The following PCDHGA12 variants were observed in gnomAD, a reference collection of about 807,000 sequenced individuals.
PCDHGA12 encodes the protein protocadherin gamma-A12.
Under a neutral mutation model 61.1 loss-of-function variants are expected in PCDHGA12, and 43 were observed. The observed-to-expected ratio is 0.70, with a 90% CI of 0.55 to 0.91. The LOEUF is 0.91. Among genes scored for constraint, PCDHGA12 ranks in the 40% least tolerant of loss-of-function variants. The pLI is 0.00. For missense variants in PCDHGA12, 1,236 were observed against 1,227.7 expected (o/e 1.01, Z -0.10); for synonymous variants, 520 against 542.9 (o/e 0.96, Z 0.59).
At chr5:141,434,978 C>G (rs1287204052) in intron 1 of PCDHGA12, among the ~76,000 whole-genome samples, 2 of 151,700 alleles carry the variant, frequency 1.3e-5, no homozygotes, top group Non-Finnish European at 2.9e-5. Flanking sequence ...TTTGTTAATA[C>G]TCTATATCAT....
Position 141,489,267 on chromosome 5 carries a change from C to G in PCDHGA12, c.2425-5540C>G. 6.4e-7 allele frequency: 1 copy of G among 1,553,302 alleles called. No homozygotes were observed. Among genetic ancestry groups the G allele is most frequent in the Non-Finnish European group, 8.7e-7 (1 of 1,149,864 alleles). The stretch of plus-strand genomic sequence containing the variant: ...TGGGGCCCAAGACACTCCCACAGCT[C>G]GCTGGGAAATGGCAAGTGCTGTGCA... On this transcript the variant is annotated intron_variant, in intron 1 of 3. Coordinates refer to ENST00000252085, the MANE Select transcript of PCDHGA12 (RefSeq NM_003735.3). The surrounding 1 kb of genome is among the most constrained non-coding windows in gnomAD (Gnocchi z 4.5).
At chr5:141,468,746 G>A (rs1298497433) in intron 1 of PCDHGA12, among the ~76,000 whole-genome samples, 1 of 151,850 alleles carries the variant, frequency 6.6e-6, no homozygotes, top group Non-Finnish European at 1.5e-5. Flanking sequence ...GGTGCCTGTA[G>A]TCCCAGCTAC....
intron 1 of PCDHGA12, among the ~76,000 whole-genome samples, chr5:141,483,203 A>T (rs940487337): frequency 1.3e-5 from 2 of 152,204 alleles, no homozygotes; most frequent in African/African-American, 2.4e-5. Flanking sequence ...ATTTTATTCC[A>T]TATAGATGAC....
In PCDHGA12 at chr5:141,433,004, T is replaced by G. The variant is rs368646186; in HGVS notation, c.2245T>G (p.Phe749Val). 48 of 1,614,028 alleles carry G rather than the reference T, an allele frequency of 3.0e-5. No homozygotes were observed. The highest frequency in any genetic ancestry group is 3.4e-5 in the Non-Finnish European group (40 of 1,180,028). The change falls in exon 1 of 4, where the codon TTC becomes GTC. Residue 749 changes from phenylalanine (F) to valine (V), a missense_variant. Coordinates refer to ENST00000252085, the MANE Select transcript of PCDHGA12 (RefSeq NM_003735.3). ...TGTGGGCGTGGACGGGGTGCAGGCT[T>G]TCCTGCAGACCTATTCCCACGAGGT... Reference protein sequence around the residue: ...HFVGVDGVQAFLQTYSHEVSL... With the variant: ...HFVGVDGVQAVLQTYSHEVSL...
At chr5:141,470,649 C>T (rs1486535307) in intron 1 of PCDHGA12, among the ~76,000 whole-genome samples, 1 of 152,160 alleles carries the variant, frequency 6.6e-6, no homozygotes, top group African/African-American at 2.4e-5. Flanking sequence ...TTGAAGGCCC[C>T]TACCCTTTGG....
Position 141,478,507 on chromosome 5 carries a change from T to C in PCDHGA12, c.2425-16300T>C, listed in dbSNP as rs781120326. The C allele has an allele frequency of 4.3e-6, 7 of 1,612,048 alleles. No homozygotes were observed. In the East Asian group the frequency reaches 1.3e-4, roughly 31 times the overall value. On this transcript the variant is annotated intron_variant, in intron 1 of 3. Transcript: ENST00000252085. The stretch of plus-strand genomic sequence containing the variant: ...TGCGGAGCTGTGATCCGGTGTTCTA[T>C]AGGCAGGTGTTGGGTGCAGAGAGCG...
intron 1 of PCDHGA12, among the ~76,000 whole-genome samples, chr5:141,443,514 C>T (rs1386662758): frequency 6.6e-6 from 1 of 152,056 alleles, no homozygotes; most frequent in Non-Finnish European, 1.5e-5. Flanking sequence ...AAGAGCTTCT[C>T]TCCTTATGAC....
chr5:141,432,343 G>C lies in PCDHGA12; in HGVS notation c.1584G>C (p.Leu528Phe), dbSNP rs1174646711. 3 of 1,614,130 alleles carry C rather than the reference G, an allele frequency of 1.9e-6. No homozygotes were observed. Residue 528 changes from leucine to phenylalanine, a missense_variant, in exon 1 of 4, where the codon TTG becomes TTC. Coordinates refer to ENST00000252085, the MANE Select transcript of PCDHGA12 (RefSeq NM_003735.3). This position sits in a 1 kb window ranked among gnomAD's most constrained non-coding sequence, Gnocchi z 6.0. ...TCGACTACGAGCAGTTCCGAGACTTGCAAGTGAAAGTGATGGCGCGGGACA... is the reference window on the plus strand; with the variant it reads ...TCGACTACGAGCAGTTCCGAGACTTCCAAGTGAAAGTGATGGCGCGGGACA... ...SSFDYEQFRD[L>F]QVKVMARDNG...
intron 1 of PCDHGA12, among the ~76,000 whole-genome samples, chr5:141,450,022 T>TTTTC: frequency 6.7e-6 from 1 of 149,424 alleles, no homozygotes; most frequent in Admixed American, 6.7e-5. Context: ...TTTTTTTTTT[T>TTTTC]TTGAGACAGG....
intron 2 of PCDHGA12, among the ~76,000 whole-genome samples, chr5:141,495,507 C>T (rs1380258502): frequency 6.6e-6 from 1 of 152,188 alleles, no homozygotes; most frequent in African/African-American, 2.4e-5. Context: ...TCCGTCTTTG[C>T]CACTTTCTCT....
rs774630488 is a variant in PCDHGA12 at position 141,490,640 on chromosome 5, G to A, written c.2425-4167G>A. On this transcript the variant is annotated intron_variant, in intron 1 of 3. Transcript: ENST00000252085. The surrounding 1 kb of genome is among the most constrained non-coding windows in gnomAD (Gnocchi z 5.4). Reference sequence around the variant, plus strand: ...TACACTGCTTACATCCTAGAAAACCGGCCTCCGGGCTCCCTTCTTTGCACT... The same window carrying A: ...TACACTGCTTACATCCTAGAAAACCAGCCTCCGGGCTCCCTTCTTTGCACT... 2.6e-5 allele frequency: 42 copies of A among 1,614,004 alleles called. No individual in the cohort carries two copies. The highest frequency in any genetic ancestry group is 1.6e-4 in the Middle Eastern group (1 of 6,084).
At position 141,430,635 on chromosome 5, in the gene PCDHGA12, T is replaced by A; in HGVS notation, c.-125T>A. ...CAGATAGCTAGGAATGAACCATCCC[T>A]GGGAGTATGTGGAAACAACGGAGGA... On this transcript the variant is annotated 5_prime_UTR_variant, in exon 1 of 4. Coordinates refer to ENST00000252085, the MANE Select transcript of PCDHGA12 (RefSeq NM_003735.3). 3 of 881,948 alleles carry A rather than the reference T, an allele frequency of 3.4e-6. No individual in the cohort carries two copies. Among genetic ancestry groups the A allele is most frequent in the Non-Finnish European group, 5.0e-6 (3 of 603,438 alleles). The allele number at this position is 881,948 out of a possible 1,614,324, so 54.6% of individuals were successfully genotyped here. A position where few individuals can be genotyped will look rare whatever the true frequency, so the allele number is the denominator to read the frequency against.
intron 1 of PCDHGA12, among the ~76,000 whole-genome samples, chr5:141,459,804 C>G (rs2098975712): frequency 6.6e-6 from 1 of 152,192 alleles, no homozygotes; most frequent in Non-Finnish European, 1.5e-5. Context: ...TCCCTGTTGA[C>G]TAGAGACACT....
chr5:141,487,622 C>T lies in PCDHGA12; in HGVS notation c.2425-7185C>T. Reference sequence around the variant, plus strand: ...TCTTCTCTATGGGCTAGAGGTGAGACCTTTGCAGGCTCAACAAATGCTTGA... The same window carrying T: ...TCTTCTCTATGGGCTAGAGGTGAGATCTTTGCAGGCTCAACAAATGCTTGA... On this transcript the variant is annotated intron_variant, in intron 1 of 3. Coordinates refer to ENST00000252085, the MANE Select transcript of PCDHGA12 (RefSeq NM_003735.3). This position sits in a 1 kb window ranked among gnomAD's most constrained non-coding sequence, Gnocchi z 5.0. 1.2e-6 allele frequency: 2 copies of T among 1,614,174 alleles called. No homozygotes were observed. Among genetic ancestry groups the T allele is most frequent in the South Asian group, 1.1e-5 (1 of 91,084 alleles).
chr5:141,491,932 G>A lies in PCDHGA12; in HGVS notation c.2425-2875G>A. Reference sequence around the variant, plus strand: ...GGCGACTGTGGGCGAGGGGAGGTGGGACCGACCCCCACCCCTACACTCAAA... The same window carrying A: ...GGCGACTGTGGGCGAGGGGAGGTGGAACCGACCCCCACCCCTACACTCAAA... On this transcript the variant is annotated intron_variant, in intron 1 of 3. Transcript: ENST00000252085. This position sits in a 1 kb window ranked among gnomAD's most constrained non-coding sequence, Gnocchi z 6.9. 1 of 1,259,014 alleles carries A rather than the reference G, an allele frequency of 7.9e-7. No homozygotes were observed. The highest frequency in any genetic ancestry group is 1.1e-6 in the Non-Finnish European group (1 of 926,048). The allele number at this position is 1,259,014 out of a possible 1,614,324, so 78.0% of individuals were successfully genotyped here. A position where few individuals can be genotyped will look rare whatever the true frequency, so the allele number is the denominator to read the frequency against.
chr5:141,438,308 C>G (rs2097949954), intron 1 of PCDHGA12, among the ~76,000 whole-genome samples: 1 of 151,766 alleles, frequency 6.6e-6, no homozygotes, highest in Non-Finnish European at 1.5e-5. Context: ...GAAGTTGGTA[C>G]CACCATAATT....
At position 141,511,516 on chromosome 5, in the gene PCDHGA12, T is replaced by A. The variant is rs2099883825; in HGVS notation, c.*343T>A. ...CTTCCAAATCAATCAGGCCCATCCA[T>A]CCCATGCCTCCCTCCTCCCCACCCC... is the stretch of plus-strand genomic sequence containing the variant. On this transcript the variant is annotated 3_prime_UTR_variant, in exon 4 of 4. Transcript: ENST00000252085. 1 of 365,020 alleles carries A rather than the reference T, an allele frequency of 2.7e-6. No individual in the cohort carries two copies. Among genetic ancestry groups the A allele is most frequent in the Admixed American group, 4.0e-5 (1 of 25,162 alleles). The allele number at this position is 365,020 out of a possible 1,614,324, so 22.6% of individuals were successfully genotyped here.
chr5:141,433,354 T>TCTGC, intron 1 of PCDHGA12, 171 bp downstream of exon 1: 2 of 602,322 alleles, frequency 3.3e-6, no homozygotes, highest in South Asian at 2.1e-5. Context: ...CCACCTACTG[T>TCTGC]CTGCCTATCT....
At chr5:141,434,883 C>T (rs1490696834) in intron 1 of PCDHGA12, among the ~76,000 whole-genome samples, 1 of 151,644 alleles carries the variant, frequency 6.6e-6, no homozygotes, top group Non-Finnish European at 1.5e-5. Context: ...ATACCAACAA[C>T]AATCCAGTCC....
Sources: gnomAD v4.1 joint callset for allele counts (sites outside exome capture counted in the v4.1 genomes callset) on GRCh38, gnomAD v4.1.1 for gene constraint, Gnocchi (gnomAD v3.1) non-coding constraint, MANE v1.5 for transcripts, NCBI Gene and HGNC (gene_info 2026-07-23, HGNC 2026-07-21) for gene names.